TLCD3A: variants seen among roughly 807,000 people sequenced by gnomAD.
The protein encoded by TLCD3A is TLC domain containing 3A, also known as TLC domain-containing protein 3A.
Under a neutral mutation model 29.9 loss-of-function variants are expected in TLCD3A, and 17 were observed. That is an observed-to-expected ratio of 0.57 (90% CI 0.39 to 0.85). The LOEUF (loss-of-function observed/expected upper bound fraction) is 0.85, where lower values mean the gene tolerates loss of function less well. Among genes scored for constraint, TLCD3A ranks in the 40% least tolerant of loss-of-function variants. TLCD3A has a pLI of 0.00. For missense variants in TLCD3A, 332 were observed against 350.8 expected (o/e 0.95, Z 0.43); for synonymous variants, 143 against 147.7 (o/e 0.97, Z 0.23).
At chr17:734,909 T>C (rs1974131938) in intron 2 of TLCD3A, among the ~76,000 whole-genome samples, 1 of 152,190 alleles carries the variant, frequency 6.6e-6, no homozygotes, top group African/African-American at 2.4e-5. Context: ...TCTGAACTCC[T>C]GGGCTCAAGC....
chr17:732,986 G>T, intron 1 of TLCD3A, 112 bp from the exon 2 acceptor site: 1 of 1,414,078 alleles, frequency 7.1e-7, no homozygotes, highest in Non-Finnish European at 9.6e-7. Context: ...TCCGGAGCCC[G>T]CTCCCCACAT....
chr17:733,021 G>GC, intron 1 of TLCD3A, 77 bp from the exon 2 acceptor site: 1 of 1,212,658 alleles, frequency 8.2e-7, no homozygotes, highest in East Asian at 2.8e-5. Flanking sequence ...GGAGAGTCAG[G>GC]CCGAAGGGCC....
intron 2 of TLCD3A, among the ~76,000 whole-genome samples, chr17:735,523 C>T (rs1375637387): frequency 1.3e-5 from 2 of 152,154 alleles, no homozygotes; most frequent in African/African-American, 4.8e-5. Flanking sequence ...AACATGAAAA[C>T]CCTAGGTTCC....
rs768550773 is a variant in TLCD3A, at chr17:733,175, C to G, written c.200C>G (p.Thr67Ser). ...ATTCGCTCCTGCGACGACGTGATCA[C>G]CGGCAGGTAAGAGCCCGGGCCGGGG... ...VIIRSCDDVI[T>S]GRHWLAREYV... The change falls in exon 2 of 5, where the codon ACC becomes AGC. Residue 67 changes from threonine to serine, a missense_variant. Physicochemically the swap from Thr to Ser is moderately conservative, Grantham distance 58. Transcript: ENST00000308278. 6 of 1,559,956 alleles carry G rather than the reference C, an allele frequency of 3.8e-6. No homozygotes were observed. The South Asian group carries it at 5.9e-5, about 15-fold the overall frequency.
At chr17:732,823 C>T in intron 1 of TLCD3A, 54 bp downstream of exon 1, 1 of 1,393,800 alleles carries the variant, frequency 7.2e-7, no homozygotes, top group South Asian at 1.5e-5. Flanking sequence ...CCACCGCACC[C>T]CACCCGGCCG....
chr17:732,670 G>A lies in TLCD3A; in HGVS notation c.23G>A (p.Gly8Asp). ...CCGATGCTGCTGACGCTGGCCGGGGGCGCGCTCTTCTTCCCGGGGCTCTTC... is the reference window on the plus strand; with the variant it reads ...CCGATGCTGCTGACGCTGGCCGGGGACGCGCTCTTCTTCCCGGGGCTCTTC... MLLTLAG[G>D]ALFFPGLFAL... is the part of the protein sequence containing the mutation. Residue 8 changes from glycine to aspartate, a missense_variant, in exon 1 of 5, where the codon GGC (glycine) becomes GAC (aspartate). By Grantham distance (94) the Gly-to-Asp change is moderately conservative. Transcript: ENST00000308278. The A allele has an allele frequency of 1.4e-6, 2 of 1,397,792 alleles. No homozygotes were observed. The highest frequency in any genetic ancestry group is 3.2e-5 in the East Asian group (1 of 31,454). 86.6% of individuals were successfully genotyped at this position (1,397,792 alleles called of 1,614,324 possible).
chr17:737,198 G>T (rs1974169642), intron 2 of TLCD3A, among the ~76,000 whole-genome samples: 1 of 151,920 alleles, frequency 6.6e-6, no homozygotes, highest in Non-Finnish European at 1.5e-5. Flanking sequence ...TTTTAGTAGA[G>T]ACGGGGTTTC....
chr17:738,577 A>C (rs901046674), intron 3 of TLCD3A, among the ~76,000 whole-genome samples: 3 of 151,860 alleles, frequency 2.0e-5, no homozygotes. Flanking sequence ...ACATCAACAT[A>C]CTTTTTCTTT....
intron 3 of TLCD3A, among the ~76,000 whole-genome samples, chr17:739,463 A>T (rs538605054): frequency 6.6e-6 from 1 of 152,346 alleles, no homozygotes; most frequent in Non-Finnish European, 1.5e-5. Context: ...TGCTGGGATT[A>T]CAGGCGTGAG....
intron 2 of TLCD3A, 38 bp from the exon 3 acceptor site, chr17:737,808 A>G: frequency 6.3e-7 from 1 of 1,587,714 alleles, no homozygotes; most frequent in Non-Finnish European, 8.7e-7. Flanking sequence ...ATGGATATCC[A>G]CAATGATTTC....
rs1446063613 is a variant in TLCD3A, at chr17:742,378, C to A, written c.*808C>A. On this transcript the variant is annotated 3_prime_UTR_variant, in exon 5 of 5. Coordinates refer to ENST00000308278, the MANE Select transcript of TLCD3A (RefSeq NM_024792.3). ...CATATCCACATGCAGAGGGCGAGCT[C>A]ATAAAACTACAGGGAAGCGTGAAAT... 1 of 152,222 alleles carries A rather than the reference C, an allele frequency of 6.6e-6. No individual in the cohort carries two copies. The highest frequency in any genetic ancestry group is 1.5e-5 in the Non-Finnish European group (1 of 68,064). 9.4% of individuals were successfully genotyped at this position (152,222 alleles called of 1,614,324 possible).
In TLCD3A at chr17:732,728, G is replaced by T; in HGVS notation, c.81G>T (p.Gln27His). Reference protein sequence around the residue: ...ALCTWALRRSQPGWSRTDCVM... With the variant: ...ALCTWALRRSHPGWSRTDCVM... ...GCACCTGGGCGCTGCGCCGCTCCCA[G>T]CCCGGATGGAGCCGCACCGACTGCG... Residue 27 changes from glutamine to histidine, a missense_variant, in exon 1 of 5, where the codon CAG becomes CAT. By Grantham distance (24) the Gln-to-His change is conservative (BLOSUM62 0). Transcript: ENST00000308278. 1 of 1,444,672 alleles carries T rather than the reference G, an allele frequency of 6.9e-7. No individual in the cohort carries two copies. The highest frequency in any genetic ancestry group is 1.3e-5 in the South Asian group (1 of 74,832). 89.5% of individuals were successfully genotyped at this position (1,444,672 alleles called of 1,614,324 possible). A position where few individuals can be genotyped will look rare whatever the true frequency, so the allele number is the denominator to read the frequency against.
chr17:733,475 C>T (rs1049611100), intron 2 of TLCD3A, among the ~76,000 whole-genome samples: 1 of 152,214 alleles, frequency 6.6e-6, no homozygotes, highest in African/African-American at 2.4e-5. Context: ...TGGCTTGATT[C>T]TTGCAGTTGG....
At position 742,802 on chromosome 17, in the gene TLCD3A, TGTCTGTGAAC is replaced by T. The variant is rs1455801843; in HGVS notation, c.*1237_*1246del. The T allele has an allele frequency of 6.6e-6, 1 of 152,664 alleles. No homozygotes were observed. The highest frequency in any genetic ancestry group is 6.5e-5 in the Admixed American group (1 of 15,290). 9.5% of individuals were successfully genotyped at this position (152,664 alleles called of 1,614,324 possible). ...GTGGATTTTTAAAGTGCCTTTCAATTGTCTGTGAACGTCTAAAGGACTGATTTGTCTCATT... is the reference window on the plus strand; with the variant it reads ...GTGGATTTTTAAAGTGCCTTTCAATTGTCTAAAGGACTGATTTGTCTCATT... On this transcript the variant is annotated 3_prime_UTR_variant, in exon 5 of 5. Transcript: ENST00000308278.
At chr17:737,779 T>TTGGC (rs1322056010) in intron 2 of TLCD3A, 67 bp from the exon 3 acceptor site, 2 of 1,416,898 alleles carry the variant, frequency 1.4e-6, no homozygotes, top group Non-Finnish European at 2.0e-6. Flanking sequence ...AGCACCAAGC[T>TTGGC]TGGCTGTGAG....
chr17:733,154 G>A lies in TLCD3A; in HGVS notation c.179G>A (p.Arg60His), dbSNP rs2144104939. The change falls in exon 2 of 5, where the codon CGC becomes CAC. Residue 60 changes from arginine (R) to histidine (H), a missense_variant. Transcript: ENST00000308278. ...ACCGGCTCGGGGATCGTCATCATTC[G>A]CTCCTGCGACGACGTGATCACCGGC... is the stretch of plus-strand genomic sequence containing the variant. ...LATGSGIVIIRSCDDVITGRH... is the reference protein window; with the variant it reads ...LATGSGIVIIHSCDDVITGRH... The A allele has an allele frequency of 6.3e-7, 1 of 1,576,408 alleles. No individual in the cohort carries two copies. Among genetic ancestry groups the A allele is most frequent in the African/African-American group, 1.4e-5 (1 of 72,896 alleles).
Position 740,530 on chromosome 17 carries a change from T to C in TLCD3A, c.434T>C (p.Phe145Ser). The stretch of plus-strand genomic sequence containing the variant: ...AGGCTCCGGGGAGACCTTGGGGACT[T>C]CTTTGTCGGCTGCATCTTCACGGCA... Reference protein sequence around the residue: ...AQRLRGDLGDFFVGCIFTAEL... With the variant: ...AQRLRGDLGDSFVGCIFTAEL... The change falls in exon 4 of 5, where the codon TTC (phenylalanine) becomes TCC (serine). Residue 145 changes from phenylalanine (F) to serine (S), a missense_variant. Coordinates refer to ENST00000308278, the MANE Select transcript of TLCD3A (RefSeq NM_024792.3). The C allele has an allele frequency of 6.2e-7, 1 of 1,614,092 alleles. No individual in the cohort carries two copies.
chr17:733,531 C>T (rs1033626465), intron 2 of TLCD3A, among the ~76,000 whole-genome samples: 1 of 152,206 alleles, frequency 6.6e-6, no homozygotes, highest in Non-Finnish European at 1.5e-5. Flanking sequence ...AACAGACGTC[C>T]AGTGTGGTTA....
chr17:732,981 A>G lies in TLCD3A; in HGVS notation c.123-117A>G, dbSNP rs1049180854. 1.4e-5 allele frequency: 20 copies of G among 1,414,870 alleles called. No individual in the cohort carries two copies. In the African/African-American group the frequency reaches 2.5e-4, roughly 18 times the overall value. The allele number at this position is 1,414,870 out of a possible 1,614,324, so 87.6% of individuals were successfully genotyped here. On this transcript the variant is annotated intron_variant, in intron 1 of 4. Transcript: ENST00000308278. ...GCGGGAATGGCCGATGAGCCTCCGG[A>G]GCCCGCTCCCCACATCTGCCTGCGG...
Sources: gnomAD v4.1 joint callset for allele counts (sites outside exome capture counted in the v4.1 genomes callset) on GRCh38, gnomAD v4.1.1 for gene constraint, MANE v1.5 for transcripts, NCBI Gene and HGNC (gene_info 2026-07-23, HGNC 2026-07-21) for gene names.